ADGRV1: variants seen among roughly 807,000 people sequenced by gnomAD.
The protein encoded by ADGRV1 is G-protein coupled receptor 98.
A neutral mutation model predicts 596.2 loss-of-function variants in ADGRV1; 359 were observed. The ratio of observed to expected loss-of-function variants is 0.60; its 90% confidence interval spans 0.55 to 0.66. The LOEUF is 0.66. ADGRV1 is among the 30% of genes least tolerant of loss of function. The pLI, the probability that ADGRV1 is intolerant of heterozygous loss-of-function variation, is 0.00. For missense variants in ADGRV1, 7,274 were observed against 7,575.6 expected, an observed-to-expected ratio of 0.96 and a Z score of 1.48; for synonymous variants, 2,681 against 2,679.2, an observed-to-expected ratio of 1.00 and a Z score of -0.02.
intron 87 of ADGRV1, among the ~76,000 whole-genome samples, chr5:91,112,670 G>A (rs1792475123): frequency 6.6e-6 from 1 of 151,898 alleles, no homozygotes; most frequent in Non-Finnish European, 1.5e-5. Flanking sequence ...CAAATGTTGG[G>A]GTGGGGAGAA....
At chr5:90,894,491 A>G (rs1771116348) in intron 83 of ADGRV1, among the ~76,000 whole-genome samples, 1 of 152,162 alleles carries the variant, frequency 6.6e-6, no homozygotes, top group South Asian at 2.1e-4. Context: ...TGGGGTGGGA[A>G]GGACTGTGTA....
intron 14 of ADGRV1, 63 bp from the exon 15 acceptor site, chr5:90,644,643 T>C (rs1767465694): frequency 7.0e-6 from 9 of 1,284,360 alleles, no homozygotes; most frequent in Non-Finnish European, 9.8e-6. Context: ...ACCGATTTCT[T>C]TACTCATCAT....
At chr5:90,949,461 G>A (rs1331232679) in intron 83 of ADGRV1, among the ~76,000 whole-genome samples, 1 of 152,110 alleles carries the variant, frequency 6.6e-6, no homozygotes, top group Non-Finnish European at 1.5e-5. Flanking sequence ...ATTCGATCTT[G>A]CAAATCATGT....
intron 87 of ADGRV1, among the ~76,000 whole-genome samples, chr5:91,112,384 T>G (rs1358419010): frequency 6.6e-6 from 1 of 152,222 alleles, no homozygotes; most frequent in African/African-American, 2.4e-5. Flanking sequence ...TCACATTTAT[T>G]GCATCTTAAA....
intron 1 of ADGRV1, among the ~76,000 whole-genome samples, chr5:90,559,475 T>C: frequency 6.6e-6 from 1 of 152,164 alleles, no homozygotes; most frequent in South Asian, 2.1e-4. Context: ...TATATGTATA[T>C]ATATTTAAAA....
At chr5:90,967,467 G>A (rs1778577601) in intron 84 of ADGRV1, among the ~76,000 whole-genome samples, 1 of 152,124 alleles carries the variant, frequency 6.6e-6, no homozygotes, top group Non-Finnish European at 1.5e-5. Flanking sequence ...GAGATTTTCT[G>A]ATTGCAAAAT....
chr5:91,038,771 A>C (rs1310172590), intron 85 of ADGRV1, among the ~76,000 whole-genome samples: 1 of 152,184 alleles, frequency 6.6e-6, no homozygotes, highest in African/African-American at 2.4e-5. Flanking sequence ...GTACAGATAA[A>C]AGATGAGCTG....
chr5:90,671,975 T>G (rs1030690163), intron 21 of ADGRV1, among the ~76,000 whole-genome samples: 2 of 152,200 alleles, frequency 1.3e-5, no homozygotes, highest in African/African-American at 4.8e-5. Flanking sequence ...ATCTGACTGT[T>G]GTTCCCACAC....
chr5:90,618,959 A>G, intron 3 of ADGRV1, 127 bp from the exon 4 acceptor site: 1 of 443,950 alleles, frequency 2.3e-6, no homozygotes, highest in Middle Eastern at 6.1e-4. Flanking sequence ...TAATCTGTGC[A>G]TTAAGATTAC....
intron 74 of ADGRV1, among the ~76,000 whole-genome samples, chr5:90,812,002 C>T (rs1762485893): frequency 6.7e-6 from 1 of 149,618 alleles, no homozygotes; most frequent in Admixed American, 6.7e-5. Flanking sequence ...GATCACAGCT[C>T]ACTGCAACCT....
At chr5:90,799,646 G>GC (rs1381186035) in intron 70 of ADGRV1, among the ~76,000 whole-genome samples, 11 of 152,160 alleles carry the variant, frequency 7.2e-5, no homozygotes, top group African/African-American at 2.7e-4. Context: ...AAAGAACAAA[G>GC]CTGGAGGCAT....
chr5:90,943,965 C>G (rs1776370742), intron 83 of ADGRV1, among the ~76,000 whole-genome samples: 1 of 152,018 alleles, frequency 6.6e-6, no homozygotes, highest in African/African-American at 2.4e-5. Flanking sequence ...GTAGGGGGGG[C>G]ACTATTCAAC....
intron 83 of ADGRV1, among the ~76,000 whole-genome samples, chr5:90,943,888 C>T (rs1022562073): frequency 1.3e-5 from 2 of 152,118 alleles, no homozygotes; most frequent in Non-Finnish European, 2.9e-5. Context: ...TATCTAATGA[C>T]GTCTGCAAAG....
At chr5:90,741,787 T>C (rs1184454563) in intron 50 of ADGRV1, among the ~76,000 whole-genome samples, 1 of 152,228 alleles carries the variant, frequency 6.6e-6, no homozygotes, top group Admixed American at 6.5e-5. Flanking sequence ...TTATTTAGAA[T>C]GGCTTATTAT....
intron 83 of ADGRV1, among the ~76,000 whole-genome samples, chr5:90,931,590 G>GA (rs1283060342): frequency 2.0e-5 from 3 of 152,022 alleles, no homozygotes; most frequent in Admixed American, 2.0e-4. Context: ...CAAATTGTAA[G>GA]AAAAAAATCA....
At chr5:90,680,781 G>A (rs911522138) in intron 26 of ADGRV1, among the ~76,000 whole-genome samples, 1 of 152,102 alleles carries the variant, frequency 6.6e-6, no homozygotes, top group Non-Finnish European at 1.5e-5. Context: ...AAACTTAAAT[G>A]CTGCTTTAGA....
intron 37 of ADGRV1, 107 bp from the exon 38 acceptor site, chr5:90,706,124 A>T: frequency 1.2e-6 from 1 of 855,106 alleles, no homozygotes; most frequent in Non-Finnish European, 1.8e-6. Context: ...TGGGACCAAT[A>T]ATACTAGCTA....
At chr5:90,883,825 G>C (rs911685115) in intron 83 of ADGRV1, among the ~76,000 whole-genome samples, 2 of 152,120 alleles carry the variant, frequency 1.3e-5, no homozygotes, top group African/African-American at 4.8e-5. Flanking sequence ...CTGCATTCCT[G>C]AGTGGAATGT....
intron 85 of ADGRV1, among the ~76,000 whole-genome samples, chr5:91,055,958 T>C (rs185788131): frequency 1.3e-5 from 2 of 152,348 alleles, no homozygotes; most frequent in African/African-American, 4.8e-5. Context: ...AATCTGTGCT[T>C]CTGGATTTGA....
Sources: allele counts gnomAD v4.1 joint callset (sites outside exome capture counted in the v4.1 genomes callset), GRCh38; gene constraint gnomAD v4.1.1; transcripts MANE v1.5; gene names NCBI Gene and HGNC (gene_info 2026-07-23, HGNC 2026-07-21).